PLAAT3: variants seen among roughly 807,000 people sequenced by gnomAD.
PLAAT3 encodes the protein phospholipase A and acyltransferase 3.
A neutral mutation model predicts 16.7 loss-of-function variants in PLAAT3; 21 were observed. That is an observed-to-expected ratio of 1.26 (90% confidence interval 0.89 to 1.81). The LOEUF is 1.81. PLAAT3 is among the 40% of genes most tolerant of loss of function. The probability of loss-of-function intolerance (pLI) is 0.00; values close to 1 mark genes in which losing one functional copy is unlikely to be tolerated. For missense variants in PLAAT3, 219 were observed against 213.7 expected, an observed-to-expected ratio of 1.02 and a Z score of -0.16; for synonymous variants, 76 against 81.7, an observed-to-expected ratio of 0.93 and a Z score of 0.38.
intron 2 of PLAAT3, among the ~76,000 whole-genome samples, chr11:63,606,462 A>ACACACC (rs945885416): frequency 4.4e-5 from 6 of 136,566 alleles, no homozygotes; most frequent in South Asian, 2.2e-4. Context: ...ACACACACAC[A>ACACACC]CCTTAGTAAA....
intron 2 of PLAAT3, among the ~76,000 whole-genome samples, chr11:63,601,631 C>A (rs551090874): frequency 5.3e-5 from 8 of 151,850 alleles, no homozygotes; most frequent in Non-Finnish European, 8.8e-5. Flanking sequence ...AAAGACACTG[C>A]GAAGTGGAAA....
At chr11:63,609,983 G>A (rs970795817) in intron 2 of PLAAT3, among the ~76,000 whole-genome samples, 3 of 152,112 alleles carry the variant, frequency 2.0e-5, no homozygotes, top group Admixed American at 6.5e-5. Context: ...ATCCTTATAA[G>A]AGCCCCATGT....
chr11:63,579,872 TAAAAAAAAA>T (rs34817353), intron 4 of PLAAT3, among the ~76,000 whole-genome samples: 1 of 107,118 alleles, frequency 9.3e-6, no homozygotes, highest in Non-Finnish European at 2.0e-5. Context: ...TAAAGTATAA[TAAAAAAAAA>T]AAAAAAAAAG....
At chr11:63,590,753 A>G (rs1322498404) in intron 3 of PLAAT3, among the ~76,000 whole-genome samples, 1 of 152,230 alleles carries the variant, frequency 6.6e-6, no homozygotes, top group Admixed American at 6.5e-5. Flanking sequence ...ACTTGACCAC[A>G]CAAAGCTGCT....
chr11:63,593,445 G>A (rs12575946), intron 3 of PLAAT3, among the ~76,000 whole-genome samples: 16,544 of 152,250 alleles, frequency 0.11, 1,008 homozygotes, highest in Admixed American at 0.17. Flanking sequence ...GGAGGCCAAC[G>A]TTGCTGGAGT....
intron 3 of PLAAT3, among the ~76,000 whole-genome samples, chr11:63,595,366 G>T (rs1217266265): frequency 2.6e-5 from 4 of 151,268 alleles, no homozygotes; most frequent in African/African-American, 9.7e-5. Context: ...TGAGTCTGAT[G>T]TCAGAAAAAT....
At chr11:63,603,745 CACACACACA>C (rs773494122) in intron 2 of PLAAT3, among the ~76,000 whole-genome samples, 9 of 77,294 alleles carry the variant, frequency 1.2e-4, no homozygotes, top group African/African-American at 3.6e-4. Flanking sequence ...CACACACACA[CACACACACA>C]GACAGAGATA....
chr11:63,615,268 G>A (rs371927225), upstream of PLAAT3, among the ~76,000 whole-genome samples: 842 of 37,026 alleles, frequency 0.023, 143 homozygotes, highest in East Asian at 0.32. Flanking sequence ...ATATATGTGT[G>A]TATATATGTG....
intron 2 of PLAAT3, among the ~76,000 whole-genome samples, chr11:63,600,877 T>C (rs548617900): frequency 6.6e-6 from 1 of 152,192 alleles, no homozygotes; most frequent in South Asian, 2.1e-4. Flanking sequence ...GTTCTGGGAT[T>C]ACAGGCGTGA....
intron 2 of PLAAT3, among the ~76,000 whole-genome samples, chr11:63,606,855 G>A (rs140439712): frequency 0.022 from 3,290 of 152,340 alleles, 43 homozygotes; most frequent in African/African-American, 0.037. Context: ...ACCTGACAGC[G>A]CTACACCTTT....
At chr11:63,592,482 TC>T (rs1938177508) in intron 3 of PLAAT3, among the ~76,000 whole-genome samples, 1 of 152,126 alleles carries the variant, frequency 6.6e-6, no homozygotes, top group Non-Finnish European at 1.5e-5. Flanking sequence ...GGCCTAAAGT[TC>T]CTTCTTTTAA....
intron 2 of PLAAT3, among the ~76,000 whole-genome samples, chr11:63,600,034 G>A (rs1340790230): frequency 2.6e-5 from 4 of 152,290 alleles, no homozygotes; most frequent in Non-Finnish European, 4.4e-5. Context: ...AGGCTGGAGT[G>A]TAGTGGCATG....
Position 63,605,713 on chromosome 11 carries a change from G to T in PLAAT3, c.16-7550C>A, listed in dbSNP as rs376653345. Among the ~76,000 whole-genome samples, 1,401 of 151,674 alleles carry T rather than the reference G, an allele frequency of 9.2e-3. 14 individuals are homozygous for T. The highest frequency in any genetic ancestry group is 0.088 in the Middle Eastern group (26 of 294). On this transcript the variant is annotated intron_variant, in intron 2 of 4. Transcript: ENST00000415826. The stretch of plus-strand genomic sequence containing the variant: ...GACTACAGGCGCCCGCCACCATGCC[G>T]GGCTAATTTTTTGTATTTTTAGTAG...
chr11:63,578,527 T>C (rs1937690217), intron 4 of PLAAT3, among the ~76,000 whole-genome samples: 2 of 151,724 alleles, frequency 1.3e-5, no homozygotes, highest in South Asian at 4.2e-4. Flanking sequence ...AACAGAGATA[T>C]AGACCAATGG....
chr11:63,590,467 A>ATGAG, intron 3 of PLAAT3, 99 bp from the exon 4 acceptor site: 1 of 1,020,308 alleles, frequency 9.8e-7, no homozygotes, highest in Non-Finnish European at 1.5e-6. Context: ...TGGCTCATCC[A>ATGAG]CAAAGGATAA....
At chr11:63,589,987 T>C in intron 4 of PLAAT3, 113 bp downstream of exon 4, 1 of 907,982 alleles carries the variant, frequency 1.1e-6, no homozygotes, top group Admixed American at 2.1e-5. Context: ...TCAAGGGCAG[T>C]AATTCTGTCT....
intron 4 of PLAAT3, among the ~76,000 whole-genome samples, chr11:63,581,474 A>G (rs1937814815): frequency 6.6e-6 from 1 of 152,166 alleles, no homozygotes; most frequent in Non-Finnish European, 1.5e-5. Flanking sequence ...CCTCAGGCTT[A>G]CTAGGATTGG....
chr11:63,589,076 A>G (rs1938063479), intron 4 of PLAAT3, among the ~76,000 whole-genome samples: 1 of 152,050 alleles, frequency 6.6e-6, no homozygotes, highest in Admixed American at 6.6e-5. Context: ...GTGTGCTAAG[A>G]ATAAACATGC....
Position 63,586,726 on chromosome 11 carries a change from CA to C in PLAAT3, c.387+3373del, listed in dbSNP as rs796796712. Among the ~76,000 whole-genome samples the C allele has an allele frequency of 7.2e-3, 1,014 of 141,790 alleles. 9 individuals carry two copies. Among genetic ancestry groups the C allele is most frequent in the African/African-American group, 0.022 (849 of 39,020 alleles). The allele number at this position is 141,790 out of a possible 152,430, so 93.0% of individuals were successfully genotyped here. A position where few individuals can be genotyped will look rare whatever the true frequency, so the allele number is the denominator to read the frequency against. ...TATGCTAATATTGTCACTGCTAATT[CA>C]AAAAAAAAAAACTTCTATTATACCT... On this transcript the variant is annotated intron_variant, in intron 4 of 4. Transcript: ENST00000415826.
Sources: gnomAD v4.1 joint callset for allele counts (sites outside exome capture counted in the v4.1 genomes callset) on GRCh38, gnomAD v4.1.1 for gene constraint, MANE v1.5 for transcripts, NCBI Gene and HGNC (gene_info 2026-07-23, HGNC 2026-07-21) for gene names.